The following GATA4 variants were observed in gnomAD, a reference collection of about 807,000 sequenced individuals.
The protein encoded by GATA4 is GATA binding protein 4.
Under a neutral mutation model 37.9 loss-of-function variants are expected in GATA4, and 7 were observed. The observed-to-expected ratio is 0.18, with a 90% CI of 0.11 to 0.35. The LOEUF is 0.35. Among genes scored for constraint, GATA4 ranks in the 10% least tolerant of loss-of-function variants. The probability of loss-of-function intolerance (pLI) is 1.00; values close to 1 mark genes in which losing one functional copy is unlikely to be tolerated. For missense variants in GATA4, 647 were observed against 653.0 expected, an observed-to-expected ratio of 0.99 and a Z score of 0.10; for synonymous variants, 372 against 292.6, an observed-to-expected ratio of 1.27 and a Z score of -2.77.
chr8:11,708,705 C>T lies in GATA4; in HGVS notation c.393C>T (p.Ala131=). The T allele has an allele frequency of 7.8e-7, 1 of 1,276,010 alleles. No individual in the cohort carries two copies. The highest frequency in any genetic ancestry group is 3.3e-5 in the East Asian group (1 of 30,428). 79.0% of individuals were successfully genotyped at this position (1,276,010 alleles called of 1,614,324 possible). The change falls in exon 2 of 7, where the codon GCC becomes GCT. Residue 131 remains alanine, a synonymous_variant. Transcript: ENST00000532059. This position sits in a 1 kb window ranked among gnomAD's most constrained non-coding sequence, Gnocchi z 6.7. ...AAAAAAREAA[A]YSSGGGAAGA... ...CTGCCGCGGCCCGGGAAGCTGCGGCCTACAGCAGTGGCGGCGGAGCGGCGG... is the reference window on the plus strand; with the variant it reads ...CTGCCGCGGCCCGGGAAGCTGCGGCTTACAGCAGTGGCGGCGGAGCGGCGG...
intron 2 of GATA4, among the ~76,000 whole-genome samples, chr8:11,715,798 G>A (rs1800410796): frequency 1.3e-5 from 2 of 152,116 alleles, no homozygotes; most frequent in Non-Finnish European, 2.9e-5. Context: ...GTTCAGTAGT[G>A]TTAAATACCT....
chr8:11,709,455 G>T lies in GATA4; in HGVS notation c.616+527G>T, dbSNP rs892881333. Among the ~76,000 whole-genome samples, 3 of 152,098 alleles carry T rather than the reference G, an allele frequency of 2.0e-5. No homozygotes were observed. The highest frequency in any genetic ancestry group is 7.2e-5 in the African/African-American group (3 of 41,434). ...GGTAGCTGATGATTTTCCCGTCGGG[G>T]GTCTCACACCGAGAACAAAGGAGGG... On this transcript the variant is annotated intron_variant, in intron 2 of 6. Transcript: ENST00000532059. This position sits in a 1 kb window ranked among gnomAD's most constrained non-coding sequence, Gnocchi z 4.3.
chr8:11,720,137 CCTCT>C (rs1336948539), intron 2 of GATA4, among the ~76,000 whole-genome samples: 1 of 151,346 alleles, frequency 6.6e-6, no homozygotes, highest in East Asian at 2.0e-4. Flanking sequence ...TGACTCACTG[CCTCT>C]CTCTGCTTGT....
chr8:11,687,435 C>T (rs1363550207), intron 1 of GATA4, among the ~76,000 whole-genome samples: 2 of 152,170 alleles, frequency 1.3e-5, no homozygotes, highest in African/African-American at 2.4e-5. Flanking sequence ...AAGCAATCCT[C>T]CTCTTGGCCC....
intron 1 of GATA4, among the ~76,000 whole-genome samples, chr8:11,678,485 C>G (rs1479283524): frequency 6.6e-6 from 1 of 152,280 alleles, no homozygotes; most frequent in Admixed American, 6.5e-5. Context: ...TTTCCCAGGG[C>G]TGATATTCCT....
Position 11,756,913 on chromosome 8 carries a change from T to G in GATA4, c.1001-22T>G, listed in dbSNP as rs531648417. 2.5e-6 allele frequency: 4 copies of G among 1,614,210 alleles called. No individual in the cohort carries two copies. The South Asian group carries it at 3.3e-5, about 13-fold the overall frequency. Reference sequence around the variant, plus strand: ...TTTGTCCCTGCCGCTGATTTGGGTGTGCTGACTCTGCTTCATTCCAGCTCC... The same window carrying G: ...TTTGTCCCTGCCGCTGATTTGGGTGGGCTGACTCTGCTTCATTCCAGCTCC... On this transcript the variant is annotated intron_variant, in intron 5 of 6. Transcript: ENST00000532059.
chr8:11,734,488 T>G (rs1032508720), intron 2 of GATA4, among the ~76,000 whole-genome samples: 3 of 152,068 alleles, frequency 2.0e-5, no homozygotes, highest in South Asian at 2.1e-4. Context: ...ATTCTGTCTT[T>G]TCTTTTCTTT....
At chr8:11,755,234 A>G (rs1180030754) in intron 5 of GATA4, 101 bp downstream of exon 5, 4 of 931,236 alleles carry the variant, frequency 4.3e-6, no homozygotes, top group Non-Finnish European at 6.8e-6. Context: ...CCGGGCCGCC[A>G]GGGGGTGGTG....
intron 4 of GATA4, among the ~76,000 whole-genome samples, chr8:11,754,308 C>G (rs943068005): frequency 1.3e-5 from 2 of 152,194 alleles, no homozygotes; most frequent in Non-Finnish European, 2.9e-5. Flanking sequence ...CCTCGACTTC[C>G]TGGGTTCAAG....
rs781583541 is a variant in GATA4, at chr8:11,749,029, C to G, written c.730C>G (p.Leu244Val). The change falls in exon 3 of 7, where the codon CTC (leucine) becomes GTC (valine). Residue 244 changes from leucine (L) to valine (V), a missense_variant. Around this residue, in one of 5 missense-constraint regions of GATA4, gnomAD observed 56 missense variants for 64.5 expected, o/e 0.87. Coordinates refer to ENST00000532059, the MANE Select transcript of GATA4 (RefSeq NM_001308093.3). This position sits in a 1 kb window ranked among gnomAD's most constrained non-coding sequence, Gnocchi z 4.6. ...TGHYLCNACG[L>V]YHKMNGINRP... ...TCACTATCTGTGCAACGCCTGCGGC[C>G]TCTACCACAAGATGAACGGCATCAA... 1 of 1,614,238 alleles carries G rather than the reference C, an allele frequency of 6.2e-7. No homozygotes were observed. Among genetic ancestry groups the G allele is most frequent in the Non-Finnish European group, 8.5e-7 (1 of 1,180,044 alleles).
chr8:11,684,687 G>A (rs906644020), intron 1 of GATA4, among the ~76,000 whole-genome samples: 3 of 152,166 alleles, frequency 2.0e-5, no homozygotes, highest in African/African-American at 7.2e-5. Context: ...AAACCTTAGA[G>A]GACGGAAAGA....
chr8:11,714,128 G>C lies in GATA4; in HGVS notation c.616+5200G>C, dbSNP rs562582871. 3.9e-5 allele frequency among the ~76,000 whole-genome samples: 6 copies of C among 152,304 alleles called. No homozygotes were observed. The South Asian group carries it at 1.2e-3, about 32-fold the overall frequency. On this transcript the variant is annotated intron_variant, in intron 2 of 6. Coordinates refer to ENST00000532059, the MANE Select transcript of GATA4 (RefSeq NM_001308093.3). ...ATATGGTGGTAGGTGTTACTGGAAA[G>C]GCTAGGAAAATATATTTAAGTATGG...
chr8:11,686,276 C>T (rs765699345), intron 1 of GATA4, among the ~76,000 whole-genome samples: 5 of 150,750 alleles, frequency 3.3e-5, no homozygotes, highest in South Asian at 2.1e-4. Flanking sequence ...AAAGTAACAT[C>T]GAGATAAAGA....
intron 1 of GATA4, among the ~76,000 whole-genome samples, chr8:11,677,418 G>T (rs964147722): frequency 9.2e-5 from 14 of 152,192 alleles, no homozygotes; most frequent in Admixed American, 2.0e-4. Context: ...AATGGAGAGG[G>T]GTGCCTGGTG....
At chr8:11,678,889 A>T (rs1798864333) in intron 1 of GATA4, among the ~76,000 whole-genome samples, 1 of 152,196 alleles carries the variant, frequency 6.6e-6, no homozygotes, top group Non-Finnish European at 1.5e-5. Context: ...GAGCCTTAAA[A>T]ACAATTTTGT....
intron 5 of GATA4, among the ~76,000 whole-genome samples, chr8:11,755,956 T>C (rs896489394): frequency 6.6e-6 from 1 of 150,538 alleles, no homozygotes; most frequent in Non-Finnish European, 1.5e-5. Context: ...GGGCTGTTCT[T>C]TTTTAAATTT....
intron 2 of GATA4, among the ~76,000 whole-genome samples, chr8:11,712,424 G>T: frequency 6.6e-6 from 1 of 152,276 alleles, no homozygotes; most frequent in Middle Eastern, 3.4e-3. Flanking sequence ...TCTTCCCTCT[G>T]CTGAGATTCT....
In GATA4 at chr8:11,679,387, G is replaced by T. The variant is rs1192285388; in HGVS notation, c.-274+2324G>T. On this transcript the variant is annotated intron_variant, in intron 1 of 6. Coordinates refer to the GATA4 transcript ENST00000528712. Reference sequence around the variant, plus strand: ...CGCGCCGCACGACTGTAGGTGGAGGGCGTGCGCCGCGGGACGCCCCAGCCG... The same window carrying T: ...CGCGCCGCACGACTGTAGGTGGAGGTCGTGCGCCGCGGGACGCCCCAGCCG... Among the ~76,000 whole-genome samples the T allele has an allele frequency of 5.3e-5, 8 of 152,356 alleles. No individual in the cohort carries two copies. The East Asian group carries it at 1.5e-3, about 29-fold the overall frequency.
intron 2 of GATA4, among the ~76,000 whole-genome samples, chr8:11,731,070 C>G (rs543899292): frequency 1.9e-4 from 29 of 152,330 alleles, no homozygotes; most frequent in African/African-American, 6.7e-4. Context: ...TTTTTCATTT[C>G]CTTACCTGTA....
Sources: allele counts gnomAD v4.1 joint callset (sites outside exome capture counted in the v4.1 genomes callset), GRCh38; gene constraint gnomAD v4.1.1; regional missense constraint gnomAD v4.1.1; non-coding constraint Gnocchi (gnomAD v3.1); transcripts MANE v1.5; gene names NCBI Gene and HGNC (gene_info 2026-07-23, HGNC 2026-07-21).